The following RELN variants were observed in gnomAD, a reference collection of about 807,000 sequenced individuals.
RELN encodes the protein reelin.
In RELN, 108 loss-of-function variants were observed where a neutral mutation model predicts 427.6. That is an observed-to-expected ratio of 0.25 (90% confidence interval 0.22 to 0.30). The LOEUF (loss-of-function observed/expected upper bound fraction) is 0.30, where lower values mean the gene tolerates loss of function less well. Among genes scored for constraint, RELN ranks in the 10% least tolerant of loss-of-function variants. The probability of loss-of-function intolerance (pLI) is 1.00; values close to 1 mark genes in which losing one functional copy is unlikely to be tolerated. For missense variants in RELN, 3,715 were observed against 4,302.8 expected (o/e 0.86, Z 3.82); for synonymous variants, 1,524 against 1,513.4 (o/e 1.01, Z -0.16).
chr7:103,587,532 C>T (rs4341089), intron 28 of RELN, among the ~76,000 whole-genome samples: 112,616 of 152,008 alleles, frequency 0.74, 42,033 homozygotes, highest in African/African-American at 0.82. Context: ...AAGTGAGACT[C>T]TGTTAAACTA....
chr7:103,931,363 T>C (rs1038662616), intron 1 of RELN, among the ~76,000 whole-genome samples: 22 of 152,220 alleles, frequency 1.4e-4, no homozygotes, highest in African/African-American at 5.3e-4. Context: ...TTTGTCTAAA[T>C]GTCAGCTCTT....
intron 2 of RELN, among the ~76,000 whole-genome samples, chr7:103,881,731 C>T (rs1465143697): frequency 6.6e-6 from 1 of 152,078 alleles, no homozygotes; most frequent in Admixed American, 6.6e-5. Flanking sequence ...TCGGATGTTC[C>T]ACCCTCAGCA....
chr7:103,664,809 G>T lies in RELN; in HGVS notation c.1290-3282C>A, dbSNP rs190341883. Among the ~76,000 whole-genome samples, 343 of 152,030 alleles carry T rather than the reference G, an allele frequency of 2.3e-3. 3 individuals are homozygous for T. The highest frequency in any genetic ancestry group is 7.6e-3 in the African/African-American group (314 of 41,498). The stretch of plus-strand genomic sequence containing the variant: ...CCTATTTATGTCCATTTTGTATTAG[G>T]ATCACTCTTTTCTTTCTCTCACTTT... On this transcript the variant is annotated intron_variant, in intron 11 of 64. Transcript: ENST00000428762.
chr7:103,747,056 A>G (rs1245662248), intron 6 of RELN, among the ~76,000 whole-genome samples: 1 of 152,222 alleles, frequency 6.6e-6, no homozygotes, highest in East Asian at 1.9e-4. Flanking sequence ...AATGTGTCAC[A>G]TATACACCAT....
chr7:103,820,150 G>A (rs79690867), intron 3 of RELN, among the ~76,000 whole-genome samples: 1,586 of 152,076 alleles, frequency 0.01, 29 homozygotes, highest in African/African-American at 0.037. Context: ...TTCATTTAAT[G>A]TCTTAGGGTT....
At chr7:103,779,371 T>C (rs1024368008) in intron 3 of RELN, among the ~76,000 whole-genome samples, 1 of 152,182 alleles carries the variant, frequency 6.6e-6, no homozygotes, top group Non-Finnish European at 1.5e-5. Flanking sequence ...GAAGTAGTAG[T>C]AATAATAATA....
intron 2 of RELN, among the ~76,000 whole-genome samples, chr7:103,864,361 C>T (rs904743523): frequency 6.6e-6 from 1 of 152,132 alleles, no homozygotes; most frequent in Admixed American, 6.6e-5. Context: ...GTGCTGTTAA[C>T]TGCAAGTTGT....
intron 5 of RELN, among the ~76,000 whole-genome samples, chr7:103,750,876 G>A (rs1172271376): frequency 6.6e-6 from 1 of 152,112 alleles, no homozygotes; most frequent in Non-Finnish European, 1.5e-5. Flanking sequence ...CACATTTGAG[G>A]TATATTGAAT....
At chr7:103,743,191 A>G (rs1055815909) in intron 6 of RELN, among the ~76,000 whole-genome samples, 1 of 152,152 alleles carries the variant, frequency 6.6e-6, no homozygotes, top group African/African-American at 2.4e-5. Flanking sequence ...GAAATAAAAT[A>G]CTTTACAGAC....
At chr7:103,946,325 TA>T (rs1796219924) in intron 1 of RELN, among the ~76,000 whole-genome samples, 1 of 152,216 alleles carries the variant, frequency 6.6e-6, no homozygotes, top group Non-Finnish European at 1.5e-5. Flanking sequence ...AACTATGGCT[TA>T]AAATGTTTAA....
In RELN at chr7:103,492,147, A is replaced by G. The variant is rs993786901; in HGVS notation, c.9370-121T>C. The stretch of plus-strand genomic sequence containing the variant: ...GTAATATTCAGAGAAGCTTTTATAG[A>G]GCAGCCTGCTGGGATACCAAGAATA... On this transcript the variant is annotated intron_variant, in intron 57 of 64. Coordinates refer to ENST00000428762, the MANE Select transcript of RELN (RefSeq NM_005045.4). 8.9e-6 allele frequency: 7 copies of G among 785,654 alleles called. No individual in the cohort carries two copies. In the Admixed American group the frequency reaches 1.4e-4, roughly 16 times the overall value. The allele number at this position is 785,654 out of a possible 1,614,324, so 48.7% of individuals were successfully genotyped here.
intron 3 of RELN, among the ~76,000 whole-genome samples, chr7:103,786,372 T>G (rs1270823696): frequency 6.6e-6 from 1 of 151,796 alleles, no homozygotes; most frequent in Non-Finnish European, 1.5e-5. Flanking sequence ...TTATAAATAG[T>G]TGCCATGTCA....
intron 8 of RELN, among the ~76,000 whole-genome samples, chr7:103,706,414 C>T (rs1834201058): frequency 6.6e-6 from 1 of 152,000 alleles, no homozygotes; most frequent in South Asian, 2.1e-4. Context: ...AAAAAATTTC[C>T]AGCAACTCAA....
intron 9 of RELN, among the ~76,000 whole-genome samples, chr7:103,700,554 G>C (rs536585064): frequency 6.6e-6 from 1 of 152,260 alleles, no homozygotes; most frequent in East Asian, 1.9e-4. Flanking sequence ...GTAGTCATCT[G>C]ATGTATTTCC....
chr7:103,639,549 G>A (rs1444813473), intron 17 of RELN, among the ~76,000 whole-genome samples: 6 of 151,588 alleles, frequency 4.0e-5, no homozygotes, highest in African/African-American at 1.5e-4. Context: ...ACAGATGCAC[G>A]CCACCACGCC....
At chr7:103,512,752 ATGCT>A (rs1829458985) in intron 50 of RELN, 1 of 152,218 alleles carries the variant, frequency 6.6e-6, no homozygotes, top group East Asian at 1.9e-4. Context: ...CATTCACAGT[ATGCT>A]TTGATTTTAT....
At chr7:103,961,911 T>A (rs767116311) in intron 1 of RELN, among the ~76,000 whole-genome samples, 2 of 152,130 alleles carry the variant, frequency 1.3e-5, no homozygotes, top group African/African-American at 4.8e-5. Flanking sequence ...TTTTCCAAAC[T>A]CCATTGGAAG....
chr7:103,714,480 G>T (rs1425222859), intron 8 of RELN, among the ~76,000 whole-genome samples: 1 of 152,166 alleles, frequency 6.6e-6, no homozygotes, highest in Non-Finnish European at 1.5e-5. Flanking sequence ...TGGCTACATA[G>T]GGAATGCGGT....
intron 28 of RELN, among the ~76,000 whole-genome samples, chr7:103,587,119 A>T (rs1330903622): frequency 2.0e-5 from 3 of 152,210 alleles, no homozygotes; most frequent in Non-Finnish European, 4.4e-5. Context: ...ACCTTACCTG[A>T]CTTCAAATTA....
Sources: gnomAD v4.1 joint callset for allele counts (sites outside exome capture counted in the v4.1 genomes callset) on GRCh38, gnomAD v4.1.1 for gene constraint, MANE v1.5 for transcripts, NCBI Gene and HGNC (gene_info 2026-07-23, HGNC 2026-07-21) for gene names.